Variants in VPS13D observed in about 807,000 individuals in gnomAD.
The protein encoded by VPS13D is vacuolar protein sorting 13 homolog D, also known as intermembrane lipid transfer protein VPS13D.
In VPS13D, 187 loss-of-function variants were observed where a neutral mutation model predicts 461.9. The observed-to-expected ratio is 0.40, with a 90% CI of 0.36 to 0.46. The LOEUF (loss-of-function observed/expected upper bound fraction) is 0.46. VPS13D is among the 20% of genes least tolerant of loss of function. The pLI is 0.60. For synonymous variants in VPS13D, 1,951 were observed against 1,986.3 expected, an observed-to-expected ratio of 0.98 and a Z score of 0.47; for missense variants, 4,711 against 5,364.9, an observed-to-expected ratio of 0.88 and a Z score of 3.81.
rs1451136271 is a variant in VPS13D, at chr1:12,396,028, TA to T, written c.11635-4152del. On this transcript the variant is annotated intron_variant, in intron 60 of 69. Coordinates refer to ENST00000620676, the MANE Select transcript of VPS13D (RefSeq NM_015378.4). ...ATATATATATATATATATATATATA[TA>T]GTTCTTTAAGATCAATAAAATTAAT... Among the ~76,000 whole-genome samples, 98 of 136,632 alleles carry T rather than the reference TA, an allele frequency of 7.2e-4. 8 individuals are homozygous for T. The highest frequency in any genetic ancestry group is 3.0e-3 in the East Asian group (15 of 4,924). The allele number at this position is 136,632 out of a possible 152,430, so 89.6% of individuals were successfully genotyped here. A position where few individuals can be genotyped will look rare whatever the true frequency, so the allele number is the denominator to read the frequency against.
At position 12,478,016 on chromosome 1, in the gene VPS13D, C is replaced by T. The variant is rs149473797; in HGVS notation, c.12662+17620C>T. On this transcript the variant is annotated intron_variant, in intron 67 of 69. Coordinates refer to ENST00000620676, the MANE Select transcript of VPS13D (RefSeq NM_015378.4). ...CTCAGCAGCTGTTTTATGGAAGGTT[C>T]GTCAGGGATCAGACTGAAGATTTTG... Among the ~76,000 whole-genome samples the T allele has an allele frequency of 6.3e-3, 964 of 152,244 alleles. 4 individuals are homozygous for T. The highest frequency in any genetic ancestry group is 1.0e-2 in the Non-Finnish European group (679 of 68,024).
At chr1:12,306,108 C>T (rs11800472) in intron 26 of VPS13D, among the ~76,000 whole-genome samples, 14,879 of 151,946 alleles carry the variant, frequency 0.098, 1,269 homozygotes, top group African/African-American at 0.22. Context: ...CTCAGCCTCC[C>T]GAGTAGCTGG....
In VPS13D at chr1:12,469,611, C is replaced by CTAAT. The variant is rs546104235; in HGVS notation, c.12662+9217_12662+9220dup. On this transcript the variant is annotated intron_variant, in intron 67 of 69. Coordinates refer to ENST00000620676, the MANE Select transcript of VPS13D (RefSeq NM_015378.4). ...AGTAGCACATATCGGCAATGATGGG[C>CTAAT]TAATTCGGACTAAACCGTAGGAGCC... is the stretch of plus-strand genomic sequence containing the variant. 2.3e-3 allele frequency among the ~76,000 whole-genome samples: 357 copies of CTAAT among 152,344 alleles called. 2 individuals carry two copies. In the Middle Eastern group the frequency reaches 0.031, roughly 13 times the overall value.
intron 13 of VPS13D, among the ~76,000 whole-genome samples, chr1:12,262,432 C>T (rs902463839): frequency 2.6e-5 from 4 of 152,166 alleles, no homozygotes; most frequent in East Asian, 1.9e-4. Flanking sequence ...AGTCATACTT[C>T]GGATTTTGAA....
At chr1:12,332,097 T>A (rs1388243870) in intron 37 of VPS13D, among the ~76,000 whole-genome samples, 1 of 152,248 alleles carries the variant, frequency 6.6e-6, no homozygotes, top group Non-Finnish European at 1.5e-5. Context: ...TAGTACTTGC[T>A]ATTAGAACTA....
At chr1:12,321,990 C>T (rs377667902) in intron 33 of VPS13D, 26 bp downstream of exon 33, 27 of 1,611,538 alleles carry the variant, frequency 1.7e-5, no homozygotes, top group Middle Eastern at 1.6e-4. Context: ...CTGTGCAATA[C>T]GTTGATATGC....
At chr1:12,265,522 A>G (rs759955224) in intron 13 of VPS13D, among the ~76,000 whole-genome samples, 1 of 152,208 alleles carries the variant, frequency 6.6e-6, no homozygotes, top group East Asian at 1.9e-4. Flanking sequence ...GGTAAAGTAT[A>G]TAGAAAAGCT....
chr1:12,359,991 G>A (rs946205387), intron 50 of VPS13D, among the ~76,000 whole-genome samples: 2 of 152,194 alleles, frequency 1.3e-5, no homozygotes, highest in Non-Finnish European at 2.9e-5. Context: ...GACAAATTGG[G>A]ATGGGAGGAG....
At chr1:12,445,970 G>T (rs540468354) in intron 65 of VPS13D, among the ~76,000 whole-genome samples, 27 of 152,332 alleles carry the variant, frequency 1.8e-4, no homozygotes, top group Non-Finnish European at 3.2e-4. Context: ...TGCTAGAAGT[G>T]AAGTATCAGC....
At chr1:12,419,683 T>C (rs1644838797) in intron 65 of VPS13D, among the ~76,000 whole-genome samples, 1 of 152,108 alleles carries the variant, frequency 6.6e-6, no homozygotes. Flanking sequence ...TCATAAGAAA[T>C]CCACCCTTGT....
At chr1:12,369,420 C>A in intron 53 of VPS13D, 47 bp from the exon 54 acceptor site, 1 of 1,569,702 alleles carries the variant, frequency 6.4e-7, no homozygotes, top group Non-Finnish European at 8.8e-7. Flanking sequence ...TTTCAGTAAC[C>A]CCACTCTGAA....
intron 67 of VPS13D, among the ~76,000 whole-genome samples, chr1:12,465,577 A>G (rs1645471501): frequency 1.3e-5 from 2 of 152,204 alleles, no homozygotes. Context: ...TGAAAAAGAA[A>G]GTTTTTGGTT....
chr1:12,286,014 T>TCTCCTCTCCTCTC (rs1557686561), intron 21 of VPS13D, among the ~76,000 whole-genome samples: 2 of 146,398 alleles, frequency 1.4e-5, no homozygotes, highest in Non-Finnish European at 1.5e-5. Context: ...TCTCCTCTCC[T>TCTCCTCTCCTCTC]CTCCTCTCCT....
intron 18 of VPS13D, among the ~76,000 whole-genome samples, 160 bp downstream of exon 18, chr1:12,273,295 T>A (rs1345658405): frequency 6.6e-6 from 1 of 152,232 alleles, no homozygotes; most frequent in African/African-American, 2.4e-5. Flanking sequence ...AATGAAATAA[T>A]GAAAACATAT....
intron 10 of VPS13D, among the ~76,000 whole-genome samples, chr1:12,259,616 T>C (rs1641039884): frequency 6.6e-6 from 1 of 152,134 alleles, no homozygotes; most frequent in Non-Finnish European, 1.5e-5. Flanking sequence ...TGGATGATTT[T>C]CTTAAAGGCA....
intron 60 of VPS13D, among the ~76,000 whole-genome samples, chr1:12,399,209 T>A (rs1201486862): frequency 1.3e-5 from 2 of 151,760 alleles, no homozygotes; most frequent in Non-Finnish European, 2.9e-5. Context: ...TTTTTTTTTT[T>A]TTTTTGAGAC....
intron 16 of VPS13D, among the ~76,000 whole-genome samples, chr1:12,269,954 C>T (rs1308602522): frequency 6.6e-6 from 1 of 152,026 alleles, no homozygotes; most frequent in African/African-American, 2.4e-5. Flanking sequence ...TGAGACTAGC[C>T]TGGGCAACAT....
At position 12,505,199 on chromosome 1, in the gene VPS13D, C is replaced by G. The variant is rs1451676293; in HGVS notation, c.12795-1654C>G. Among the ~76,000 whole-genome samples the G allele has an allele frequency of 6.6e-6, 1 of 152,182 alleles. No homozygotes were observed. Among genetic ancestry groups the G allele is most frequent in the African/African-American group, 2.4e-5 (1 of 41,440 alleles). On this transcript the variant is annotated intron_variant, in intron 68 of 69. Transcript: ENST00000620676. This position sits in a 1 kb window ranked among gnomAD's most constrained non-coding sequence, Gnocchi z 4.2. Reference sequence around the variant, plus strand: ...GCCAGTTCTGGCTGGCGCTGTGTCACCTCTTCTCTGTGTCAGGATCATTTT... The same window carrying G: ...GCCAGTTCTGGCTGGCGCTGTGTCAGCTCTTCTCTGTGTCAGGATCATTTT...
At position 12,281,423 on chromosome 1, in the gene VPS13D, C is replaced by T. The variant is rs375138839; in HGVS notation, c.4603-1282C>T. On this transcript the variant is annotated intron_variant, in intron 20 of 69. Coordinates refer to ENST00000620676, the MANE Select transcript of VPS13D (RefSeq NM_015378.4). ...TTGTTGTGGAACTAAGTCAGTTGTC[C>T]TGTGGAATGTCCCACTTTCTGGATT... 3.3e-5 allele frequency among the ~76,000 whole-genome samples: 5 copies of T among 152,194 alleles called. No individual in the cohort carries two copies. In the East Asian group the frequency reaches 7.7e-4, roughly 23 times the overall value.
Sources: gnomAD v4.1 joint callset for allele counts (sites outside exome capture counted in the v4.1 genomes callset) on GRCh38, gnomAD v4.1.1 for gene constraint, Gnocchi (gnomAD v3.1) non-coding constraint, MANE v1.5 for transcripts, NCBI Gene and HGNC (gene_info 2026-07-23, HGNC 2026-07-21) for gene names.